The following GJD2 variants were observed in gnomAD, a reference collection of about 807,000 sequenced individuals.
GJD2 encodes the protein gap junction protein delta 2, also known as gap junction delta-2 protein.
GJD2 carries 12 observed loss-of-function variants against 24.3 expected under a neutral mutation model. That is an observed-to-expected ratio of 0.49 (90% CI 0.32 to 0.80). The LOEUF (loss-of-function observed/expected upper bound fraction) is 0.80, where lower values mean the gene tolerates loss of function less well. Ranked by LOEUF, GJD2 falls within the 30% of genes least tolerant of loss-of-function variation. The pLI is 0.04. For missense variants in GJD2, 268 were observed against 402.4 expected, an observed-to-expected ratio of 0.67 and a Z score of 2.86; for synonymous variants, 171 against 155.2, an observed-to-expected ratio of 1.10 and a Z score of -0.76.
At position 34,752,551 on chromosome 15, in the gene GJD2, C is replaced by A. The variant is rs775572644; in HGVS notation, c.893G>T (p.Arg298Leu). 6.2e-7 allele frequency: 1 copy of A among 1,614,194 alleles called. No individual in the cohort carries two copies. Among genetic ancestry groups the A allele is most frequent in the Non-Finnish European group, 8.5e-7 (1 of 1,180,004 alleles). The change falls in exon 2 of 2, where the codon CGT becomes CTT. Residue 298 changes from arginine to leucine, a missense_variant. By Grantham distance (102) the Arg-to-Leu change is moderately radical (BLOSUM62 -2). Transcript: ENST00000290374. ...QAKRKSIYEIRNKDLPRVSVP... is the reference protein window; with the variant it reads ...QAKRKSIYEILNKDLPRVSVP... ...ACTGACCCTTGGCAGGTCCTTGTTA[C>A]GAATCTCATAGATTGACTTTCTCTT...
Position 34,753,689 on chromosome 15 carries a change from C to T in GJD2, c.72-317G>A, listed in dbSNP as rs557680814. 2.4e-4 allele frequency among the ~76,000 whole-genome samples: 36 copies of T among 152,228 alleles called. 1 individual carries two copies. The South Asian group carries it at 7.5e-3, about 32-fold the overall frequency. On this transcript the variant is annotated intron_variant, in intron 1 of 1. Coordinates refer to ENST00000290374, the MANE Select transcript of GJD2 (RefSeq NM_020660.3). ...TATAGAAACACAAAACACACCTTCA[C>T]TCTGGATATGGCAAATGCACACAGA...
chr15:34,754,066 CCTT>C lies in GJD2; in HGVS notation c.71+349_71+351del, dbSNP rs1441790556. The stretch of plus-strand genomic sequence containing the variant: ...CCTTTTCTGTCCAAATGCAATCCTG[CCTT>C]CTTTGTAGATTCTATTTAGGGAACC... On this transcript the variant is annotated intron_variant, in intron 1 of 1. Coordinates refer to ENST00000290374, the MANE Select transcript of GJD2 (RefSeq NM_020660.3). This position sits in a 1 kb window ranked among gnomAD's most constrained non-coding sequence, Gnocchi z 5.9. Among the ~76,000 whole-genome samples the C allele has an allele frequency of 2.1e-4, 32 of 152,164 alleles. No individual in the cohort carries two copies. Among genetic ancestry groups the C allele is most frequent in the African/African-American group, 7.5e-4 (31 of 41,438 alleles).
In GJD2 at chr15:34,754,394, TGACCGCCGGCTTGGCGCCCTTACCTCC is replaced by T; in HGVS notation, c.68_71+23del. The T allele has an allele frequency of 1.2e-6, 2 of 1,605,014 alleles. No homozygotes were observed. Among genetic ancestry groups the T allele is most frequent in the Non-Finnish European group, 1.7e-6 (2 of 1,172,302 alleles). ...CCGGGGGCCGCCCGACGGGGCCCCCTGACCGCCGGCTTGGCGCCCTTACCTCCCGATCATAGTGGAGTGCTGCTGCAC... is the reference window on the plus strand; with the variant it reads ...CCGGGGGCCGCCCGACGGGGCCCCCTCGATCATAGTGGAGTGCTGCTGCAC... On this transcript the variant is annotated splice_donor_variant and splice_donor_5th_base_variant and coding_sequence_variant and intron_variant, in exon 1 of 2. Transcript: ENST00000290374. LOFTEE classifies it high-confidence loss of function. This position sits in a 1 kb window ranked among gnomAD's most constrained non-coding sequence, Gnocchi z 5.9.
Position 34,753,033 on chromosome 15 carries a change from C to T in GJD2, c.411G>A (p.Gly137=). ...PGGTGGGGSG[G]GKREDKKLQN... ...GCAACTTCTTATCTTCTCGTTTGCC[C>T]CCACCACTGCCCCCACCCCCAGTTC... Residue 137 remains glycine, a synonymous_variant, in exon 2 of 2, where the codon GGG becomes GGA. Transcript: ENST00000290374. The T allele has an allele frequency of 6.2e-7, 1 of 1,613,990 alleles. No individual in the cohort carries two copies. Among genetic ancestry groups the T allele is most frequent in the African/African-American group, 1.3e-5 (1 of 74,974 alleles).
chr15:34,753,636 G>A (rs1317345846), intron 1 of GJD2, among the ~76,000 whole-genome samples: 2 of 152,028 alleles, frequency 1.3e-5, no homozygotes, highest in Non-Finnish European at 2.9e-5. Context: ...ACTTGCAACA[G>A]ATAGATTTCA....
Position 34,752,970 on chromosome 15 carries a change from C to T in GJD2, c.474G>A (p.Glu158=). 1 of 1,614,176 alleles carries T rather than the reference C, an allele frequency of 6.2e-7. No homozygotes were observed. Among genetic ancestry groups the T allele is most frequent in the Non-Finnish European group, 8.5e-7 (1 of 1,180,028 alleles). Reference sequence around the variant, plus strand: ...CTGGCTCTGTCTCCTTACTGGTGTTCTCTGTGTTCTGCAGCACCCCATTCA... The same window carrying T: ...CTGGCTCTGTCTCCTTACTGGTGTTTTCTGTGTTCTGCAGCACCCCATTCA... ...AIVNGVLQNT[E]NTSKETEPDC... The change falls in exon 2 of 2, where the codon GAG becomes GAA. Residue 158 remains glutamate (E), a synonymous_variant. Transcript: ENST00000290374.
rs768887810 is a variant in GJD2, at chr15:34,752,708, G to A, written c.736C>T (p.Arg246Trp). 3.1e-6 allele frequency: 5 copies of A among 1,613,982 alleles called. No individual in the cohort carries two copies. Among genetic ancestry groups the A allele is most frequent in the Admixed American group, 1.7e-5 (1 of 59,992 alleles). The change falls in exon 2 of 2, where the codon CGG (arginine) becomes TGG (tryptophan). Residue 246 changes from arginine (R) to tryptophan (W), a missense_variant. Physicochemically the swap from Arg to Trp is moderately radical, Grantham distance 101. This residue lies in a region of GJD2 where 115 missense variants were observed against 195.2 expected (regional missense o/e 0.59). Coordinates refer to ENST00000290374, the MANE Select transcript of GJD2 (RefSeq NM_020660.3). Reference protein sequence around the residue: ...CIKEVECYVSRPTEKTVFLVF... With the variant: ...CIKEVECYVSWPTEKTVFLVF... ...AGAAAGACAGTCTTCTCAGTTGGCC[G>A]GGACACATAACATTCCACCTCCTTG... is the stretch of plus-strand genomic sequence containing the variant.
In GJD2 at chr15:34,752,587, C is replaced by G. The variant is rs1891119062; in HGVS notation, c.857G>C (p.Gly286Ala). Residue 286 changes from glycine (G) to alanine (A), a missense_variant, in exon 2 of 2, where the codon GGG becomes GCG. Physicochemically the swap from Gly to Ala is moderately conservative, Grantham distance 60. Around this residue, in one of 3 missense-constraint regions of GJD2, gnomAD observed 115 missense variants for 195.2 expected, o/e 0.59. Coordinates refer to ENST00000290374, the MANE Select transcript of GJD2 (RefSeq NM_020660.3). Reference sequence around the variant, plus strand: ...GATTGACTTTCTCTTGGCCTGAGCCCCTCGCACAGCCAGCTTGATCTTGCG... The same window carrying G: ...GATTGACTTTCTCTTGGCCTGAGCCGCTCGCACAGCCAGCTTGATCTTGCG... ...GWRKIKLAVR[G>A]AQAKRKSIYE... is the part of the protein sequence containing the mutation. 1 of 1,614,066 alleles carries G rather than the reference C, an allele frequency of 6.2e-7. No individual in the cohort carries two copies. Among genetic ancestry groups the G allele is most frequent in the African/African-American group, 1.3e-5 (1 of 74,916 alleles).
In GJD2 at chr15:34,753,133, T is replaced by G. The variant is rs1315630849; in HGVS notation, c.311A>C (p.Gln104Pro). The change falls in exon 2 of 2, where the codon CAG becomes CCG. Residue 104 changes from glutamine (Q) to proline (P), a missense_variant. By Grantham distance (76) the Gln-to-Pro change is moderately conservative. Transcript: ENST00000290374. Reference protein sequence around the residue: ...ITYSVHQSAKQRERRYSTVFL... With the variant: ...ITYSVHQSAKPRERRYSTVFL... Reference sequence around the variant, plus strand: ...GACTGTAGAGTAGCGGCGTTCTCGCTGCTTGGCGGACTGGTGCACAGAGTA... The same window carrying G: ...GACTGTAGAGTAGCGGCGTTCTCGCGGCTTGGCGGACTGGTGCACAGAGTA... The G allele has an allele frequency of 6.2e-7, 1 of 1,614,136 alleles. No individual in the cohort carries two copies. Among genetic ancestry groups the G allele is most frequent in the Admixed American group, 1.7e-5 (1 of 60,024 alleles).
Position 34,754,378 on chromosome 15 carries a change from G to GCCCGACGGGGCCCC in GJD2, c.71+26_71+39dup. 6.6e-7 allele frequency: 1 copy of GCCCGACGGGGCCCC among 1,503,776 alleles called. No homozygotes were observed. The highest frequency in any genetic ancestry group is 9.3e-7 in the Non-Finnish European group (1 of 1,080,842). The allele number at this position is 1,503,776 out of a possible 1,614,324, so 93.2% of individuals were successfully genotyped here. On this transcript the variant is annotated intron_variant, in intron 1 of 1. Coordinates refer to ENST00000290374, the MANE Select transcript of GJD2 (RefSeq NM_020660.3). This position sits in a 1 kb window ranked among gnomAD's most constrained non-coding sequence, Gnocchi z 5.9. Reference sequence around the variant, plus strand: ...GTGTGAGAAGGGACTCCCGGGGGCCGCCCGACGGGGCCCCCTGACCGCCGG... The same window carrying GCCCGACGGGGCCCC: ...GTGTGAGAAGGGACTCCCGGGGGCCGCCCGACGGGGCCCCCCCGACGGGGCCCCCTGACCGCCGG...
rs1392388987 is a variant in GJD2 at position 34,751,340 on chromosome 15, G to A, written c.*1138C>T. 1 of 152,062 alleles carries A rather than the reference G, an allele frequency of 6.6e-6. No homozygotes were observed. Among genetic ancestry groups the A allele is most frequent in the Non-Finnish European group, 1.5e-5 (1 of 68,040 alleles). The allele number at this position is 152,062 out of a possible 1,614,324, so 9.4% of individuals were successfully genotyped here. A position where few individuals can be genotyped will look rare whatever the true frequency, so the allele number is the denominator to read the frequency against. ...CACCGTAAACACACGTTAGCCAATAGTGTTTAGTTGCAGGTCTTTTAAGCC... is the reference window on the plus strand; with the variant it reads ...CACCGTAAACACACGTTAGCCAATAATGTTTAGTTGCAGGTCTTTTAAGCC... On this transcript the variant is annotated 3_prime_UTR_variant, in exon 2 of 2. Coordinates refer to ENST00000290374, the MANE Select transcript of GJD2 (RefSeq NM_020660.3).
chr15:34,753,846 T>C (rs1891146544), intron 1 of GJD2, among the ~76,000 whole-genome samples: 1 of 106,544 alleles, frequency 9.4e-6, no homozygotes, highest in Admixed American at 1.1e-4. Context: ...TGGCTATGAA[T>C]ATATATTCAT....
chr15:34,752,208 G>T lies in GJD2; in HGVS notation c.*270C>A. On this transcript the variant is annotated 3_prime_UTR_variant, in exon 2 of 2. Transcript: ENST00000290374. ...TGCAAGTTCAGTGTTATCAGGATCAGGCTAGGCCATAAACAGAAAGGGACC... is the reference window on the plus strand; with the variant it reads ...TGCAAGTTCAGTGTTATCAGGATCATGCTAGGCCATAAACAGAAAGGGACC... 2.1e-6 allele frequency: 1 copy of T among 478,576 alleles called. No homozygotes were observed. The highest frequency in any genetic ancestry group is 3.8e-6 in the Non-Finnish European group (1 of 264,074). 29.6% of individuals were successfully genotyped at this position (478,576 alleles called of 1,614,324 possible).
intron 1 of GJD2, 103 bp from the exon 2 acceptor site, chr15:34,753,475 A>G: frequency 9.4e-7 from 1 of 1,060,146 alleles, no homozygotes. Context: ...CAGTCTTTTG[A>G]CTGGGGAGCT....
chr15:34,752,332 A>G lies in GJD2; in HGVS notation c.*146T>C, dbSNP rs556313509. 5.4e-4 allele frequency: 374 copies of G among 692,888 alleles called. 3 individuals carry two copies. Among genetic ancestry groups the G allele is most frequent in the Admixed American group, 5.3e-4 (18 of 34,190 alleles). The allele number at this position is 692,888 out of a possible 1,614,324, so 42.9% of individuals were successfully genotyped here. On this transcript the variant is annotated 3_prime_UTR_variant, in exon 2 of 2. Transcript: ENST00000290374. ...ATGGGTCCACTTTTCCTCCTTTCCCATTGGTGCAAAATCTTCTTTTATCCA... is the reference window on the plus strand; with the variant it reads ...ATGGGTCCACTTTTCCTCCTTTCCCGTTGGTGCAAAATCTTCTTTTATCCA...
intron 1 of GJD2, among the ~76,000 whole-genome samples, chr15:34,753,766 T>C (rs994135215): frequency 6.6e-6 from 1 of 152,148 alleles, no homozygotes; most frequent in African/African-American, 2.4e-5. Flanking sequence ...GGTGTGTAAA[T>C]AACTACTCCA....
rs781072622 is a variant in GJD2 at position 34,753,003 on chromosome 15, A to G, written c.441T>C (p.Asn147=). The change falls in exon 2 of 2, where the codon AAT becomes AAC. Residue 147 remains asparagine (N), a synonymous_variant. Transcript: ENST00000290374. ...GGKREDKKLQ[N]AIVNGVLQNT... ...TCTGCAGCACCCCATTCACAATAGC[A>G]TTTTGCAACTTCTTATCTTCTCGTT... 9.9e-6 allele frequency: 16 copies of G among 1,613,944 alleles called. No homozygotes were observed. The highest frequency in any genetic ancestry group is 1.4e-5 in the Non-Finnish European group (16 of 1,179,988).
chr15:34,754,544 C>T lies in GJD2; in HGVS notation c.-56G>A, dbSNP rs199874725. On this transcript the variant is annotated 5_prime_UTR_variant, in exon 1 of 2. Transcript: ENST00000290374. This position sits in a 1 kb window ranked among gnomAD's most constrained non-coding sequence, Gnocchi z 5.9. ...CTGGGCAGCACCGGGCACGTTCCCG[C>T]TCCTGGCCCCTCCCCGGGCCGCACT... 8.0e-6 allele frequency: 11 copies of T among 1,376,408 alleles called. No individual in the cohort carries two copies. Among genetic ancestry groups the T allele is most frequent in the Non-Finnish European group, 1.1e-5 (11 of 964,574 alleles). The allele number at this position is 1,376,408 out of a possible 1,614,324, so 85.3% of individuals were successfully genotyped here. A position where few individuals can be genotyped will look rare whatever the true frequency, so the allele number is the denominator to read the frequency against.
In GJD2 at chr15:34,751,752, C is replaced by T. The variant is rs998229098; in HGVS notation, c.*726G>A. 6 of 132,026 alleles carry T rather than the reference C, an allele frequency of 4.5e-5. No homozygotes were observed. Among genetic ancestry groups the T allele is most frequent in the Non-Finnish European group, 8.0e-5 (5 of 62,680 alleles). The allele number at this position is 132,026 out of a possible 1,614,324, so 8.2% of individuals were successfully genotyped here. On this transcript the variant is annotated 3_prime_UTR_variant, in exon 2 of 2. Coordinates refer to ENST00000290374, the MANE Select transcript of GJD2 (RefSeq NM_020660.3). ...TCCCTCCCTCCCACCCATCCCCCAT[C>T]CCTAGTAAACAGCACCAGTGCAGTT... is the stretch of plus-strand genomic sequence containing the variant.
Sources: gnomAD v4.1 joint callset for allele counts (sites outside exome capture counted in the v4.1 genomes callset) on GRCh38, gnomAD v4.1.1 for gene constraint, gnomAD v4.1.1 regional missense constraint, Gnocchi (gnomAD v3.1) non-coding constraint, MANE v1.5 for transcripts, NCBI Gene and HGNC (gene_info 2026-07-23, HGNC 2026-07-21) for gene names.